ATP11A: variants seen among roughly 807,000 people sequenced by gnomAD.
ATP11A encodes the protein phospholipid-transporting ATPase IH.
Under a neutral mutation model 154.4 loss-of-function variants are expected in ATP11A, and 81 were observed. The ratio of observed to expected loss-of-function variants is 0.52; its 90% CI spans 0.44 to 0.63. The LOEUF (loss-of-function observed/expected upper bound fraction) is 0.63. ATP11A is among the 30% of genes least tolerant of loss of function. The pLI is 0.00. For missense variants in ATP11A, 1,316 were observed against 1,474.3 expected (o/e 0.89, Z 1.76); for synonymous variants, 623 against 585.9 (o/e 1.06, Z -0.91).
intron 25 of ATP11A, 61 bp from the exon 26 acceptor site, chr13:112,871,674 T>C (rs2080524799): frequency 6.6e-7 from 1 of 1,514,858 alleles, no homozygotes; most frequent in Admixed American, 1.7e-5. Flanking sequence ...AAACTCTTGA[T>C]TGTGAAAGAG....
intron 2 of ATP11A, among the ~76,000 whole-genome samples, chr13:112,793,857 C>T (rs2077927221): frequency 6.6e-6 from 1 of 152,232 alleles, no homozygotes. Flanking sequence ...TGAGGCCATG[C>T]TCTTCCCTGT....
intron 5 of ATP11A, among the ~76,000 whole-genome samples, chr13:112,813,343 A>G (rs565986512): frequency 6.6e-6 from 1 of 152,294 alleles, no homozygotes; most frequent in Admixed American, 6.5e-5. Flanking sequence ...CATCTCAAGG[A>G]TATGATATAA....
intron 4 of ATP11A, among the ~76,000 whole-genome samples, chr13:112,806,972 C>T (rs529808375): frequency 1.3e-5 from 2 of 152,328 alleles, no homozygotes; most frequent in South Asian, 4.1e-4. Context: ...GCGCTTCATT[C>T]CGTCTGATGA....
intron 1 of ATP11A, among the ~76,000 whole-genome samples, chr13:112,725,457 G>A (rs1187276605): frequency 1.3e-5 from 2 of 152,174 alleles, no homozygotes; most frequent in East Asian, 1.9e-4. Context: ...TTTCTCAGCC[G>A]CTGCCTTCAC....
At chr13:112,740,284 C>T (rs766217895) in intron 1 of ATP11A, among the ~76,000 whole-genome samples, 7 of 152,068 alleles carry the variant, frequency 4.6e-5, no homozygotes, top group Non-Finnish European at 1.5e-5. Context: ...TCAAGTGATT[C>T]TCCTGCCTCA....
intron 1 of ATP11A, among the ~76,000 whole-genome samples, chr13:112,691,900 T>G (rs527704145): frequency 2.0e-5 from 3 of 152,092 alleles, no homozygotes; most frequent in Admixed American, 6.6e-5. Context: ...CAGCCTGACT[T>G]ACTTAAGTGG....
chr13:112,886,915 A>G lies in ATP11A; in HGVS notation c.*5049A>G, dbSNP rs2080988465. The stretch of plus-strand genomic sequence containing the variant: ...CATAGTAGGTGCATTAACATAAATC[A>G]GTCTCCACACAGTAACATTTAACTG... On this transcript the variant is annotated 3_prime_UTR_variant, in exon 30 of 30. Transcript: ENST00000375645. 1 of 152,294 alleles carries G rather than the reference A, an allele frequency of 6.6e-6. No homozygotes were observed. The highest frequency in any genetic ancestry group is 2.4e-5 in the African/African-American group (1 of 41,476). The allele number at this position is 152,294 out of a possible 1,614,324, so 9.4% of individuals were successfully genotyped here.
chr13:112,762,108 G>T (rs371738158), intron 1 of ATP11A, among the ~76,000 whole-genome samples: 5 of 152,160 alleles, frequency 3.3e-5, no homozygotes, highest in Non-Finnish European at 7.3e-5. Flanking sequence ...ATGGAGACTC[G>T]TGCTTATGAG....
At chr13:112,824,303 A>G in intron 9 of ATP11A, 41 bp from the exon 10 acceptor site, 1 of 1,515,178 alleles carries the variant, frequency 6.6e-7, no homozygotes, top group East Asian at 2.3e-5. Flanking sequence ...GGCAAGACAC[A>G]CTTGCGCCCT....
Position 112,885,170 on chromosome 13 carries a change from A to C in ATP11A, c.*3304A>C, listed in dbSNP as rs376913345. 1 of 152,246 alleles carries C rather than the reference A, an allele frequency of 6.6e-6. No homozygotes were observed. Among genetic ancestry groups the C allele is most frequent in the African/African-American group, 2.4e-5 (1 of 41,460 alleles). The allele number at this position is 152,246 out of a possible 1,614,324, so 9.4% of individuals were successfully genotyped here. A position where few individuals can be genotyped will look rare whatever the true frequency, so the allele number is the denominator to read the frequency against. On this transcript the variant is annotated 3_prime_UTR_variant, in exon 30 of 30. Transcript: ENST00000375645. ...ACACATACCACAGACACGCGTGTGCATGCTCCTACACAATACATATGCACA... is the reference window on the plus strand; with the variant it reads ...ACACATACCACAGACACGCGTGTGCCTGCTCCTACACAATACATATGCACA...
intron 1 of ATP11A, chr13:112,747,220 C>T (rs1041760698): frequency 6.6e-6 from 1 of 152,176 alleles, no homozygotes; most frequent in Non-Finnish European, 1.5e-5. Flanking sequence ...ATGTGGTACT[C>T]AGGTGCAGCC....
intron 5 of ATP11A, among the ~76,000 whole-genome samples, chr13:112,813,681 CA>C (rs1351377447): frequency 6.6e-6 from 1 of 152,026 alleles, no homozygotes; most frequent in Non-Finnish European, 1.5e-5. Flanking sequence ...AAGGAACTGC[CA>C]AATGGTTTTC....
intron 4 of ATP11A, 37 bp downstream of exon 4, chr13:112,806,330 T>C: frequency 1.3e-6 from 2 of 1,502,582 alleles, no homozygotes; most frequent in Non-Finnish European, 1.8e-6. Flanking sequence ...GCAATCGTCA[T>C]CTTCACCATG....
intron 1 of ATP11A, among the ~76,000 whole-genome samples, chr13:112,780,477 G>A (rs760151921): frequency 3.3e-5 from 5 of 152,210 alleles, no homozygotes; most frequent in African/African-American, 1.2e-4. Context: ...GTCCCCACGC[G>A]TGTTGCTGTG....
intron 17 of ATP11A, among the ~76,000 whole-genome samples, chr13:112,846,176 A>G (rs2079601991): frequency 6.6e-6 from 1 of 151,968 alleles, no homozygotes; most frequent in African/African-American, 2.4e-5. Context: ...AGCCGTGTTG[A>G]GCATCTCGGA....
chr13:112,868,132 A>C (rs904039599), intron 25 of ATP11A, among the ~76,000 whole-genome samples: 1 of 152,228 alleles, frequency 6.6e-6, no homozygotes, highest in African/African-American at 2.4e-5. Context: ...TTATTTGTTG[A>C]ACAGCAAGAC....
chr13:112,861,679 G>T (rs2080106971), intron 24 of ATP11A, among the ~76,000 whole-genome samples: 1 of 152,244 alleles, frequency 6.6e-6, no homozygotes, highest in Admixed American at 6.5e-5. Flanking sequence ...GATCTTGACG[G>T]CTTGGATCCA....
chr13:112,827,505 G>A (rs2078964184), intron 12 of ATP11A, among the ~76,000 whole-genome samples: 1 of 152,168 alleles, frequency 6.6e-6, no homozygotes, highest in African/African-American at 2.4e-5. Context: ...CGCACCACCG[G>A]GAGGCACACA....
At chr13:112,841,321 C>G (rs2079410110) in intron 16 of ATP11A, among the ~76,000 whole-genome samples, 1 of 137,776 alleles carries the variant, frequency 7.3e-6, no homozygotes, top group Admixed American at 7.3e-5. Context: ...CACGTGGCTT[C>G]GCGGACCAGG....
Sources: gnomAD v4.1 joint callset for allele counts (sites outside exome capture counted in the v4.1 genomes callset) on GRCh38, gnomAD v4.1.1 for gene constraint, MANE v1.5 for transcripts, NCBI Gene and HGNC (gene_info 2026-07-23, HGNC 2026-07-21) for gene names.